The following ADGRV1 variants were observed in gnomAD, a reference collection of about 807,000 sequenced individuals.
ADGRV1 encodes adhesion G protein-coupled receptor V1.
Under a neutral mutation model 596.2 loss-of-function variants are expected in ADGRV1, and 359 were observed. The observed-to-expected ratio is 0.60, with a 90% CI of 0.55 to 0.66. ADGRV1 has a LOEUF of 0.66. Among genes scored for constraint, ADGRV1 ranks in the 30% least tolerant of loss-of-function variants. The pLI, the probability that ADGRV1 is intolerant of heterozygous loss-of-function variation, is 0.00. For synonymous variants in ADGRV1, 2,681 were observed against 2,679.2 expected (o/e 1.00, Z -0.02); for missense variants, 7,274 against 7,575.6 (o/e 0.96, Z 1.48).
At chr5:90,999,333 G>A (rs1781674942) in intron 85 of ADGRV1, among the ~76,000 whole-genome samples, 1 of 151,876 alleles carries the variant, frequency 6.6e-6, no homozygotes, top group Admixed American at 6.6e-5. Context: ...TAATAGTACA[G>A]TTAACATGTT....
In ADGRV1 at chr5:90,935,793, G is replaced by C. The variant is rs879326413; in HGVS notation, c.17857-29622G>C. 5.3e-5 allele frequency among the ~76,000 whole-genome samples: 8 copies of C among 151,274 alleles called. No homozygotes were observed. In the South Asian group the frequency reaches 1.2e-3, roughly 24 times the overall value. On this transcript the variant is annotated intron_variant, in intron 83 of 89. Coordinates refer to ENST00000405460, the MANE Select transcript of ADGRV1 (RefSeq NM_032119.4). ...ATGTGGTTTGAAGGCCACCTTGATT[G>C]TGGTAACCTGGATTGCTTGTTACAA...
chr5:90,582,462 C>A (rs1758195040), intron 1 of ADGRV1, among the ~76,000 whole-genome samples: 2 of 152,082 alleles, frequency 1.3e-5, no homozygotes, highest in African/African-American at 4.8e-5. Flanking sequence ...CATTGTCCTT[C>A]TTAACTTTTA....
At chr5:90,866,160 G>A (rs1443773394) in intron 83 of ADGRV1, among the ~76,000 whole-genome samples, 1 of 152,090 alleles carries the variant, frequency 6.6e-6, no homozygotes, top group Non-Finnish European at 1.5e-5. Context: ...GAGAAGGAAA[G>A]AATGGAAATG....
At chr5:90,768,628 C>A (rs1020632206) in intron 59 of ADGRV1, among the ~76,000 whole-genome samples, 1 of 152,180 alleles carries the variant, frequency 6.6e-6, no homozygotes, top group African/African-American at 2.4e-5. Flanking sequence ...GGGAAATTCT[C>A]ACAATAATTC....
At chr5:91,098,970 G>A (rs950742431) in intron 86 of ADGRV1, among the ~76,000 whole-genome samples, 1 of 152,104 alleles carries the variant, frequency 6.6e-6, no homozygotes, top group Non-Finnish European at 1.5e-5. Flanking sequence ...ACAGCTTAGG[G>A]GTTTTCTAAA....
chr5:91,071,153 G>C (rs890939628), intron 85 of ADGRV1, among the ~76,000 whole-genome samples: 1 of 152,134 alleles, frequency 6.6e-6, no homozygotes, highest in Non-Finnish European at 1.5e-5. Context: ...GAAGGGAGAG[G>C]GGGTGGAGGG....
intron 52 of ADGRV1, among the ~76,000 whole-genome samples, chr5:90,746,321 C>T (rs920035746): frequency 2.6e-5 from 4 of 151,954 alleles, no homozygotes; most frequent in African/African-American, 9.7e-5. Context: ...GAAAGAGAAC[C>T]ATGCAAATCC....
intron 83 of ADGRV1, among the ~76,000 whole-genome samples, chr5:90,891,309 G>C (rs1770799770): frequency 6.6e-6 from 1 of 151,096 alleles, no homozygotes; most frequent in South Asian, 2.1e-4. Context: ...GGGTAATGAT[G>C]TTATAGGGGT....
chr5:91,014,831 A>G (rs554489676), intron 85 of ADGRV1, among the ~76,000 whole-genome samples: 2 of 116,394 alleles, frequency 1.7e-5, no homozygotes, highest in South Asian at 3.3e-4. Context: ...TAATTTTTTC[A>G]AAAAACCAAC....
At chr5:91,116,009 C>T (rs1427740566) in intron 87 of ADGRV1, among the ~76,000 whole-genome samples, 1 of 152,094 alleles carries the variant, frequency 6.6e-6, no homozygotes, top group Non-Finnish European at 1.5e-5. Context: ...ACTAAAGGTA[C>T]TTGCGCCAAA....
chr5:90,940,181 C>T (rs1176824782), intron 83 of ADGRV1, among the ~76,000 whole-genome samples: 1 of 152,230 alleles, frequency 6.6e-6, no homozygotes, highest in African/African-American at 2.4e-5. Context: ...TCTACCTCCC[C>T]TCACTGACTG....
At chr5:90,657,829 C>T in intron 20 of ADGRV1, 76 bp from the exon 21 acceptor site, 1 of 1,409,822 alleles carries the variant, frequency 7.1e-7, no homozygotes, top group East Asian at 2.3e-5. Flanking sequence ...AATTGTCTTA[C>T]TTTCTGAATC....
intron 87 of ADGRV1, among the ~76,000 whole-genome samples, chr5:91,130,347 C>G (rs1163308083): frequency 1.3e-5 from 2 of 151,250 alleles, no homozygotes; most frequent in Non-Finnish European, 2.9e-5. Context: ...GCCTGGCCAA[C>G]TTGGTGAAAC....
intron 75 of ADGRV1, among the ~76,000 whole-genome samples, chr5:90,819,038 C>T (rs1444093931): frequency 6.6e-6 from 1 of 152,158 alleles, no homozygotes; most frequent in East Asian, 1.9e-4. Flanking sequence ...GTGAATCCAT[C>T]TGGTCCTGGA....
chr5:90,989,251 C>T lies in ADGRV1; in HGVS notation c.18152+3729C>T, dbSNP rs183879896. 6.6e-5 allele frequency among the ~76,000 whole-genome samples: 10 copies of T among 152,112 alleles called. No homozygotes were observed. In the East Asian group the frequency reaches 1.9e-3, roughly 29 times the overall value. On this transcript the variant is annotated intron_variant, in intron 85 of 89. Coordinates refer to ENST00000405460, the MANE Select transcript of ADGRV1 (RefSeq NM_032119.4). ...ACAATGGTTGAACTAGTTTACAGTC[C>T]CACCAACAGTGTAAAAGTGTTCCTA... is the stretch of plus-strand genomic sequence containing the variant.
chr5:90,877,243 A>T (rs957734697), intron 83 of ADGRV1, among the ~76,000 whole-genome samples: 1 of 152,176 alleles, frequency 6.6e-6, no homozygotes. Flanking sequence ...GGATTGCTCT[A>T]CCTTGGATTA....
At position 91,095,408 on chromosome 5, in the gene ADGRV1, C is replaced by T. The variant is rs1339818542; in HGVS notation, c.18311-6811C>T. On this transcript the variant is annotated intron_variant, in intron 86 of 89. Coordinates refer to ENST00000405460, the MANE Select transcript of ADGRV1 (RefSeq NM_032119.4). ...AAAGACAGGGTTTTGCCATGTTGCT[C>T]AGGCTGACCCCAGTCTTTAACTTTG... 2.6e-5 allele frequency among the ~76,000 whole-genome samples: 4 copies of T among 152,110 alleles called. No homozygotes were observed. The East Asian group carries it at 7.7e-4, about 29-fold the overall frequency.
rs534324840 is a variant in ADGRV1 at position 90,697,205 on chromosome 5, T to C, written c.8155+59T>C. 361 of 1,442,006 alleles carry C rather than the reference T, an allele frequency of 2.5e-4. 1 individual carries two copies. In the African/African-American group the frequency reaches 4.7e-3, roughly 19 times the overall value. 89.3% of individuals were successfully genotyped at this position (1,442,006 alleles called of 1,614,324 possible). A position where few individuals can be genotyped will look rare whatever the true frequency, so the allele number is the denominator to read the frequency against. On this transcript the variant is annotated intron_variant, in intron 34 of 89. Transcript: ENST00000405460. Reference sequence around the variant, plus strand: ...TCTTTTCTATGGATGTTGTCTTTTGTCTAGTTCTTTAAAACTTGATAGTTT... The same window carrying C: ...TCTTTTCTATGGATGTTGTCTTTTGCCTAGTTCTTTAAAACTTGATAGTTT...
intron 85 of ADGRV1, among the ~76,000 whole-genome samples, chr5:90,999,209 T>C (rs1427106495): frequency 1.3e-5 from 2 of 152,040 alleles, no homozygotes; most frequent in Non-Finnish European, 2.9e-5. Flanking sequence ...CTTTCTCCTA[T>C]CTATTTTTAA....
Sources: allele counts gnomAD v4.1 joint callset (sites outside exome capture counted in the v4.1 genomes callset), GRCh38; gene constraint gnomAD v4.1.1; transcripts MANE v1.5; gene names NCBI Gene and HGNC (gene_info 2026-07-23, HGNC 2026-07-21).